Variants in PEX5 observed in about 807,000 individuals in gnomAD.
PEX5 encodes peroxisomal biogenesis factor 5, also known as PTS1 receptor.
In PEX5, 52 loss-of-function variants were observed where a neutral mutation model predicts 82.9. That is an observed-to-expected ratio of 0.63 (90% CI 0.50 to 0.79). The LOEUF (loss-of-function observed/expected upper bound fraction) is 0.79. PEX5 is among the 30% of genes least tolerant of loss of function. PEX5 has a pLI of 0.00. For synonymous variants in PEX5, 300 were observed against 318.8 expected (o/e 0.94, Z 0.63); for missense variants, 719 against 815.2 (o/e 0.88, Z 1.44).
chr12:7,196,572 GTAA>G lies in PEX5; in HGVS notation c.449-2434_449-2432del, dbSNP rs1244112755. On this transcript the variant is annotated intron_variant, in intron 5 of 15. Coordinates refer to ENST00000675855, the MANE Select transcript of PEX5 (RefSeq NM_001351132.2). ...AATAATTATATATGTCACATATAAT[GTAA>G]TAATTATATATGTCACATAATGTAA... Among the ~76,000 whole-genome samples the G allele has an allele frequency of 9.5e-4, 26 of 27,356 alleles. 8 individuals are homozygous for G. The South Asian group carries it at 0.048, about 51-fold the overall frequency. 17.9% of individuals were successfully genotyped at this position (27,356 alleles called of 152,430 possible).
chr12:7,212,276 T>C (rs1185373035), downstream of PEX5, among the ~76,000 whole-genome samples: 1 of 151,942 alleles, frequency 6.6e-6, no homozygotes, highest in Non-Finnish European at 1.5e-5. Flanking sequence ...AAAAAAAGTC[T>C]AACTTTTAAA....
chr12:7,208,071 C>A lies in PEX5; in HGVS notation c.1172C>A (p.Ala391Glu). Reference sequence around the variant, plus strand: ...GAACAAGAACTATTAGCCATCAGTGCATTGCGGAGGTGAGTACACTGAAAG... The same window carrying A: ...GAACAAGAACTATTAGCCATCAGTGAATTGCGGAGGTGAGTACACTGAAAG... ...ENEQELLAIS[A>E]LRRCLELKPD... The change falls in exon 12 of 16, where the codon GCA becomes GAA. Residue 391 changes from alanine to glutamate, a missense_variant. Ala to Glu is a moderately radical substitution (Grantham distance 107, BLOSUM62 -1). Transcript: ENST00000675855. 1.9e-6 allele frequency: 3 copies of A among 1,611,742 alleles called. No homozygotes were observed. The highest frequency in any genetic ancestry group is 2.5e-6 in the Non-Finnish European group (3 of 1,177,780).
At position 7,209,812 on chromosome 12, in the gene PEX5, A is replaced by G. The variant is rs778897851; in HGVS notation, c.1690A>G (p.Ile564Val). The G allele has an allele frequency of 6.2e-7, 1 of 1,614,206 alleles. No individual in the cohort carries two copies. ...TATCCGGTCCCGCTATAACCTGGGC[A>G]TCAGCTGCATCAACCTCGGGGCTCA... is the stretch of plus-strand genomic sequence containing the variant. The part of the protein sequence containing the change: ...GYIRSRYNLG[I>V]SCINLGAHRE... The change falls in exon 15 of 16, where the codon ATC (isoleucine) becomes GTC (valine). Residue 564 changes from isoleucine (I) to valine (V), a missense_variant. Ile to Val is a conservative substitution (Grantham distance 29, BLOSUM62 3). Transcript: ENST00000675855.
chr12:7,192,107 G>A (rs1399000435), intron 5 of PEX5, among the ~76,000 whole-genome samples: 1 of 152,184 alleles, frequency 6.6e-6, no homozygotes, highest in African/African-American at 2.4e-5. Context: ...AGTGCCTGAA[G>A]TGTATGGCTT....
intron 1 of PEX5, chr12:7,190,080 T>C (rs1463883826): frequency 6.2e-5 from 93 of 1,496,214 alleles, no homozygotes; most frequent in Non-Finnish European, 7.9e-5. Context: ...TCCAGGCCCC[T>C]TTGTGGAGGC....
At chr12:7,212,464 G>GAAAAAA (rs5796271), downstream of PEX5, among the ~76,000 whole-genome samples, 7 of 96,272 alleles carry the variant, frequency 7.3e-5, no homozygotes, top group Non-Finnish European at 1.3e-4. Context: ...AAAGCTGCCA[G>GAAAAAA]AAAAAAAAAA....
chr12:7,209,349 G>T (rs780455457), intron 14 of PEX5, among the ~76,000 whole-genome samples, 179 bp downstream of exon 14: 1 of 152,164 alleles, frequency 6.6e-6, no homozygotes, highest in African/African-American at 2.4e-5. Context: ...GCAAGACCCT[G>T]CCCACCCCCA....
intron 1 of PEX5, 127 bp from the exon 2 acceptor site, chr12:7,190,235 G>A: frequency 1.3e-6 from 2 of 1,589,374 alleles, no homozygotes; most frequent in African/African-American, 1.3e-5. Flanking sequence ...CGCAGCAAAA[G>A]CACTGGGGTG....
At chr12:7,190,118 G>C in intron 1 of PEX5, 2 of 1,483,202 alleles carry the variant, frequency 1.3e-6, no homozygotes. Flanking sequence ...CCATGGGACC[G>C]TAGTCGCGGA....
At position 7,211,355 on chromosome 12, in the gene PEX5, T is replaced by TTTTAAACTACCATGGTCCCAGGA. The variant is rs1158943782; in HGVS notation, c.*1134_*1135insTAAACTACCATGGTCCCAGGATT. 1.3e-5 allele frequency: 2 copies of TTTTAAACTACCATGGTCCCAGGA among 152,132 alleles called. No individual in the cohort carries two copies. Among genetic ancestry groups the TTTTAAACTACCATGGTCCCAGGA allele is most frequent in the African/African-American group, 2.4e-5 (1 of 41,372 alleles). The allele number at this position is 152,132 out of a possible 1,614,324, so 9.4% of individuals were successfully genotyped here. ...AGCTAATGATCAGAGAGATTTTTTTTTTAAACTACCATGGTCCCAGGATTC... is the reference window on the plus strand; with the variant it reads ...AGCTAATGATCAGAGAGATTTTTTTTTTTAAACTACCATGGTCCCAGGATTAAACTACCATGGTCCCAGGATTC... On this transcript the variant is annotated 3_prime_UTR_variant, in exon 16 of 16. Transcript: ENST00000675855.
downstream of PEX5, among the ~76,000 whole-genome samples, chr12:7,212,244 C>T (rs1018164232): frequency 6.4e-4 from 97 of 151,626 alleles, 1 homozygote; most frequent in Admixed American, 6.3e-3. Context: ...GGATTACAGA[C>T]GTGAGCCACC....
At chr12:7,199,711 G>A (rs1943404965) in intron 6 of PEX5, among the ~76,000 whole-genome samples, 1 of 150,092 alleles carries the variant, frequency 6.7e-6, no homozygotes. Context: ...TTCTCAATGA[G>A]CTATTGGGTA....
rs749234198 is a variant in PEX5, at chr12:7,208,245, G to A, written c.1181+165G>A. 6.6e-5 allele frequency among the ~76,000 whole-genome samples: 10 copies of A among 152,212 alleles called. No individual in the cohort carries two copies. In the East Asian group the frequency reaches 1.9e-3, roughly 29 times the overall value. ...TTGGAGTGAATTCCATTCCTTCATC[G>A]GCTTTTGATTTTATTTGCGGCTTTG... is the stretch of plus-strand genomic sequence containing the variant. On this transcript the variant is annotated intron_variant, in intron 12 of 15. Transcript: ENST00000675855.
intron 1 of PEX5, chr12:7,189,955 C>G (rs1022243683): frequency 6.7e-7 from 1 of 1,491,074 alleles, no homozygotes. Context: ...CCGTGCTCAC[C>G]GCGTGCTGGG....
At chr12:7,200,030 GCA>G (rs1565696689) in intron 6 of PEX5, among the ~76,000 whole-genome samples, 1 of 41,486 alleles carries the variant, frequency 2.4e-5, no homozygotes, top group Non-Finnish European at 6.4e-5. Context: ...GGGCTGACCC[GCA>G]CCTCCCTCCC....
chr12:7,207,586 G>A, intron 10 of PEX5, 73 bp from the exon 11 acceptor site: 2 of 1,503,920 alleles, frequency 1.3e-6, no homozygotes, highest in Non-Finnish European at 1.9e-6. Flanking sequence ...CTGCCTGCTG[G>A]TTGTCATCCT....
At chr12:7,213,499 G>T (rs1047426854), downstream of PEX5, among the ~76,000 whole-genome samples, 2 of 136,012 alleles carry the variant, frequency 1.5e-5, no homozygotes, top group African/African-American at 2.7e-5. Flanking sequence ...TTAATAAATG[G>T]TGCAGGGAAA....
At chr12:7,190,198 C>T (rs1940727525) in intron 1 of PEX5, 164 bp from the exon 2 acceptor site, 2 of 1,552,014 alleles carry the variant, frequency 1.3e-6, no homozygotes, top group Non-Finnish European at 1.7e-6. Flanking sequence ...TACCGACCTC[C>T]CTCGAACTCC....
At chr12:7,209,887 C>G in intron 15 of PEX5, 47 bp downstream of exon 15, 1 of 1,610,376 alleles carries the variant, frequency 6.2e-7, no homozygotes, top group Non-Finnish European at 8.5e-7. Flanking sequence ...TTTCTCCCTG[C>G]CTTTGGCCCT....
Sources: allele counts gnomAD v4.1 joint callset (sites outside exome capture counted in the v4.1 genomes callset), GRCh38; gene constraint gnomAD v4.1.1; transcripts MANE v1.5; gene names NCBI Gene and HGNC (gene_info 2026-07-23, HGNC 2026-07-21).